Variants in RUBCN observed in about 807,000 individuals in gnomAD.
The protein encoded by RUBCN is run domain Beclin-1-interacting and cysteine-rich domain-containing protein.
A neutral mutation model predicts 113.2 loss-of-function variants in RUBCN; 74 were observed. That is an observed-to-expected ratio of 0.65 (90% CI 0.54 to 0.79). RUBCN has a LOEUF of 0.79. Ranked by LOEUF, RUBCN falls within the 30% of genes least tolerant of loss-of-function variation. RUBCN has a pLI of 0.00. For missense variants in RUBCN, 1,109 were observed against 1,251.7 expected (o/e 0.89, Z 1.72); for synonymous variants, 480 against 490.0 (o/e 0.98, Z 0.27).
At chr3:197,742,666 C>G (rs530142135) in intron 1 of RUBCN, among the ~76,000 whole-genome samples, 17 of 152,280 alleles carry the variant, frequency 1.1e-4, no homozygotes, top group African/African-American at 3.8e-4. Flanking sequence ...AGACGCTGTG[C>G]TTTAGTTAGT....
Position 197,671,640 on chromosome 3 carries a change from G to A in RUBCN, c.*3378C>T, listed in dbSNP as rs1719801198. The A allele has an allele frequency of 1.3e-5, 2 of 152,374 alleles. No homozygotes were observed. Among genetic ancestry groups the A allele is most frequent in the African/African-American group, 4.8e-5 (2 of 41,580 alleles). 9.4% of individuals were successfully genotyped at this position (152,374 alleles called of 1,614,324 possible). On this transcript the variant is annotated 3_prime_UTR_variant, in exon 20 of 20. Coordinates refer to ENST00000296343, the MANE Select transcript of RUBCN (RefSeq NM_014687.4). ...AAGGGGACATTTAAGGGGAAATGTTGAGAGAGTTGCAGCGTAGAGCTGGAG... is the reference window on the plus strand; with the variant it reads ...AAGGGGACATTTAAGGGGAAATGTTAAGAGAGTTGCAGCGTAGAGCTGGAG...
chr3:197,707,005 C>T (rs1461135145), intron 2 of RUBCN, among the ~76,000 whole-genome samples: 2 of 142,902 alleles, frequency 1.4e-5, no homozygotes, highest in African/African-American at 6.1e-5. Context: ...CGTGGGACAT[C>T]AACTCCAGCA....
intron 2 of RUBCN, among the ~76,000 whole-genome samples, chr3:197,707,127 AGGTCAGG>A (rs1355345457): frequency 1.5e-4 from 22 of 151,568 alleles, no homozygotes; most frequent in African/African-American, 5.4e-4. Context: ...GCAGATCACG[AGGTCAGG>A]AGGTCAAGAC....
At chr3:197,676,681 C>A in intron 18 of RUBCN, 4 of 1,432,754 alleles carry the variant, frequency 2.8e-6, no homozygotes, top group Non-Finnish European at 3.6e-6. Context: ...AGCACCAGCT[C>A]CTCCCCTCAC....
At chr3:197,711,775 C>G (rs1440018247) in intron 2 of RUBCN, among the ~76,000 whole-genome samples, 1 of 151,992 alleles carries the variant, frequency 6.6e-6, no homozygotes, top group African/African-American at 2.4e-5. Flanking sequence ...TAGTTTTATA[C>G]TTTTTTGATT....
At chr3:197,699,068 G>A in intron 7 of RUBCN, 2 of 741,584 alleles carry the variant, frequency 2.7e-6, no homozygotes, top group Non-Finnish European at 2.4e-6. Flanking sequence ...ACAGTTCCAA[G>A]CATCACAACA....
chr3:197,710,674 A>G (rs1724865415), intron 2 of RUBCN, among the ~76,000 whole-genome samples: 1 of 152,182 alleles, frequency 6.6e-6, no homozygotes, highest in South Asian at 2.1e-4. Context: ...ACAAAGGACT[A>G]ATTTCCTCAA....
At chr3:197,725,808 T>C (rs1726678095) in intron 1 of RUBCN, among the ~76,000 whole-genome samples, 1 of 152,196 alleles carries the variant, frequency 6.6e-6, no homozygotes, top group Admixed American at 6.5e-5. Context: ...AAATCCCTTA[T>C]GTCAGAAACC....
At chr3:197,717,584 C>T (rs538291522) in intron 2 of RUBCN, among the ~76,000 whole-genome samples, 3 of 152,272 alleles carry the variant, frequency 2.0e-5, no homozygotes, top group East Asian at 1.9e-4. Flanking sequence ...CTCTGTGGAG[C>T]GTCCAGAGGG....
In RUBCN at chr3:197,701,151, A is replaced by AGCC; in HGVS notation, c.728-6_728-5insGGC. 6.6e-7 allele frequency: 1 copy of AGCC among 1,523,336 alleles called. No homozygotes were observed. The highest frequency in any genetic ancestry group is 8.8e-7 in the Non-Finnish European group (1 of 1,139,246). The allele number at this position is 1,523,336 out of a possible 1,614,324, so 94.4% of individuals were successfully genotyped here. ...GAAAGGAAGTAGATCTTCTCTCTAG[A>AGCC]ATATAAAAGGAAATGGTAAGGGGAG... On this transcript the variant is annotated splice_region_variant and splice_polypyrimidine_tract_variant and intron_variant, in intron 6 of 19. Coordinates refer to ENST00000296343, the MANE Select transcript of RUBCN (RefSeq NM_014687.4).
At chr3:197,687,365 C>T (rs1435612950) in intron 11 of RUBCN, among the ~76,000 whole-genome samples, 3 of 152,260 alleles carry the variant, frequency 2.0e-5, no homozygotes, top group Non-Finnish European at 4.4e-5. Context: ...GAAAGTATAG[C>T]TCATCAACGT....
Position 197,683,157 on chromosome 3 carries a change from A to C in RUBCN, c.1980+150T>G. The C allele has an allele frequency of 9.6e-7, 1 of 1,036,884 alleles. No individual in the cohort carries two copies. Among genetic ancestry groups the C allele is most frequent in the Non-Finnish European group, 1.5e-6 (1 of 661,484 alleles). 64.2% of individuals were successfully genotyped at this position (1,036,884 alleles called of 1,614,324 possible). A position where few individuals can be genotyped will look rare whatever the true frequency, so the allele number is the denominator to read the frequency against. On this transcript the variant is annotated intron_variant, in intron 13 of 19. Coordinates refer to ENST00000296343, the MANE Select transcript of RUBCN (RefSeq NM_014687.4). The surrounding 1 kb of genome is among the most constrained non-coding windows in gnomAD (Gnocchi z 4.6). ...AAGGTGAGCAAGCATTCACTCGTTC[A>C]TTTATCACTTGACACATTGTAATGA...
At chr3:197,697,834 T>C (rs1723183704) in intron 7 of RUBCN, among the ~76,000 whole-genome samples, 1 of 152,242 alleles carries the variant, frequency 6.6e-6, no homozygotes, top group African/African-American at 2.4e-5. Flanking sequence ...AGTGAATGAC[T>C]GAGCTGCATC....
chr3:197,728,236 AAAC>A (rs1373291497), intron 1 of RUBCN, among the ~76,000 whole-genome samples: 90 of 152,382 alleles, frequency 5.9e-4, no homozygotes, highest in African/African-American at 2.1e-3. Flanking sequence ...ACCCTTCAAA[AAAC>A]AAAAACAGCT....
At chr3:197,710,535 G>T (rs1395743460) in intron 2 of RUBCN, among the ~76,000 whole-genome samples, 2 of 151,788 alleles carry the variant, frequency 1.3e-5, no homozygotes, top group Admixed American at 6.6e-5. Flanking sequence ...CAGAGTCAGA[G>T]GCTGCGGTGA....
chr3:197,695,822 A>G lies in RUBCN; in HGVS notation c.1473+44T>C, dbSNP rs201116849. The G allele has an allele frequency of 8.3e-4, 1,292 of 1,561,314 alleles. 1 individual carries two copies. The highest frequency in any genetic ancestry group is 1.0e-3 in the Non-Finnish European group (1,171 of 1,132,276). On this transcript the variant is annotated intron_variant, in intron 9 of 19. Coordinates refer to ENST00000296343, the MANE Select transcript of RUBCN (RefSeq NM_014687.4). The stretch of plus-strand genomic sequence containing the variant: ...ATGGCACCACAGACCTTCAGACCCA[A>G]TCTCCCAACTCATGAGCTCTTCATG...
Position 197,683,172 on chromosome 3 carries a change from C to T in RUBCN, c.1980+135G>A, listed in dbSNP as rs1721446517. The T allele has an allele frequency of 9.1e-7, 1 of 1,097,342 alleles. No individual in the cohort carries two copies. Among genetic ancestry groups the T allele is most frequent in the Non-Finnish European group, 1.4e-6 (1 of 712,320 alleles). The allele number at this position is 1,097,342 out of a possible 1,614,324, so 68.0% of individuals were successfully genotyped here. A position where few individuals can be genotyped will look rare whatever the true frequency, so the allele number is the denominator to read the frequency against. On this transcript the variant is annotated intron_variant, in intron 13 of 19. Transcript: ENST00000296343. This position sits in a 1 kb window ranked among gnomAD's most constrained non-coding sequence, Gnocchi z 4.6. ...TCACTCGTTCATTTATCACTTGACA[C>T]ATTGTAATGAATGGCTTCCACGAGT... is the stretch of plus-strand genomic sequence containing the variant.
chr3:197,676,102 G>A (rs1720376925), intron 18 of RUBCN: 2 of 711,170 alleles, frequency 2.8e-6, no homozygotes, highest in Non-Finnish European at 1.7e-6. Context: ...TGCGTTTGAG[G>A]AATACATAAA....
At chr3:197,680,622 C>G (rs1327190294) in intron 16 of RUBCN, among the ~76,000 whole-genome samples, 1 of 152,272 alleles carries the variant, frequency 6.6e-6, no homozygotes, top group Non-Finnish European at 1.5e-5. Context: ...ACTCTGACAA[C>G]TGGCTTCAGA....
Sources: gnomAD v4.1 joint callset for allele counts (sites outside exome capture counted in the v4.1 genomes callset) on GRCh38, gnomAD v4.1.1 for gene constraint, Gnocchi (gnomAD v3.1) non-coding constraint, MANE v1.5 for transcripts, NCBI Gene and HGNC (gene_info 2026-07-23, HGNC 2026-07-21) for gene names.